MDN1: variants seen among roughly 807,000 people sequenced by gnomAD.
MDN1 encodes midasin AAA ATPase 1, also known as midasin.
In MDN1, 266 loss-of-function variants were observed where a neutral mutation model predicts 669.2. The observed-to-expected ratio is 0.40, with a 90% confidence interval of 0.36 to 0.44. The LOEUF (loss-of-function observed/expected upper bound fraction) is 0.44, where lower values mean the gene tolerates loss of function less well. Ranked by LOEUF, MDN1 falls within the 20% of genes least tolerant of loss-of-function variation. The pLI is 1.00. For missense variants in MDN1, 5,940 were observed against 6,754.0 expected, an observed-to-expected ratio of 0.88 and a Z score of 4.22; for synonymous variants, 2,385 against 2,457.1, an observed-to-expected ratio of 0.97 and a Z score of 0.87.
Position 89,693,735 on chromosome 6 carries a change from G to C in MDN1, c.9881+339C>G, listed in dbSNP as rs1200391634. ...AACACTTCTGGTCCCAGGAATTTTG[G>C]ATAAGGGATCCCCAACCCGTACCAT... is the stretch of plus-strand genomic sequence containing the variant. On this transcript the variant is annotated intron_variant, in intron 62 of 101. Transcript: ENST00000369393. Among the ~76,000 whole-genome samples the C allele has an allele frequency of 2.6e-5, 4 of 152,194 alleles. No individual in the cohort carries two copies. The South Asian group carries it at 6.2e-4, about 24-fold the overall frequency.
At chr6:89,684,527 G>T (rs368450564) in intron 71 of MDN1, among the ~76,000 whole-genome samples, 12 of 152,132 alleles carry the variant, frequency 7.9e-5, no homozygotes, top group African/African-American at 1.2e-4. Context: ...CAAAAAGAGC[G>T]GTCCCTCCTT....
At position 89,661,506 on chromosome 6, in the gene MDN1, C is replaced by T. The variant is rs1472380462; in HGVS notation, c.14638G>A (p.Asp4880Asn). Residue 4880 changes from aspartate (D) to asparagine (N), a missense_variant, in exon 88 of 102, where the codon GAC (aspartate) becomes AAC (asparagine). Asp to Asn is a conservative substitution (Grantham distance 23, BLOSUM62 1). This residue lies in a region of MDN1 where 2,280 missense variants were observed against 2,576.3 expected (regional missense o/e 0.88). Coordinates refer to ENST00000369393, the MANE Select transcript of MDN1 (RefSeq NM_014611.3). ...TCGAGGTTCAAGTCATCTGGAAGGT[C>T]CAAAGCCTCGGGTTCTGGCACCTTT... ...QEKVPEPEAL[D>N]LPDDLNLDSE... 1.9e-6 allele frequency: 3 copies of T among 1,614,074 alleles called. No homozygotes were observed. The highest frequency in any genetic ancestry group is 3.3e-5 in the Admixed American group (2 of 60,002).
intron 1 of MDN1, among the ~76,000 whole-genome samples, chr6:89,809,784 T>TAAATAAATA (rs1554202272): frequency 8.9e-5 from 10 of 112,576 alleles, no homozygotes; most frequent in Non-Finnish European, 3.5e-5. Context: ...TCAAAATAAA[T>TAAATAAATA]AAATAAAATA....
rs1234536190 is a variant in MDN1, at chr6:89,650,803, T to C, written c.15960A>G (p.Thr5320=). Reference sequence around the variant, plus strand: ...CACATAACCGTTGTGAAAGAGGCGCTGTTAAGATCAGGTAACTCTGCCACA... The same window carrying C: ...CACATAACCGTTGTGAAAGAGGCGCCGTTAAGATCAGGTAACTCTGCCACA... ...AEMWQSYLIL[T]APLSQRLCEE... is the part of the protein sequence containing the mutation. Residue 5320 remains threonine (T), a synonymous_variant, in exon 96 of 102, where the codon ACA becomes ACG. Coordinates refer to ENST00000369393, the MANE Select transcript of MDN1 (RefSeq NM_014611.3). The C allele has an allele frequency of 3.0e-5, 49 of 1,614,028 alleles. No homozygotes were observed. Among genetic ancestry groups the C allele is most frequent in the Non-Finnish European group, 4.0e-5 (47 of 1,180,002 alleles).
At chr6:89,770,570 T>C (rs1253766153) in intron 15 of MDN1, among the ~76,000 whole-genome samples, 1 of 152,100 alleles carries the variant, frequency 6.6e-6, no homozygotes, top group Non-Finnish European at 1.5e-5. Flanking sequence ...AGTGGCACAA[T>C]CTCGGCTAAC....
chr6:89,814,106 G>GC (rs1009248839), intron 1 of MDN1, among the ~76,000 whole-genome samples: 3 of 151,704 alleles, frequency 2.0e-5, no homozygotes, highest in African/African-American at 4.8e-5. Flanking sequence ...AAAATTCTAA[G>GC]CCCCCCCAAC....
intron 12 of MDN1, among the ~76,000 whole-genome samples, chr6:89,775,690 G>T (rs559565659): frequency 2.6e-5 from 4 of 152,158 alleles, no homozygotes; most frequent in South Asian, 2.1e-4. Flanking sequence ...TGTTTGTTTG[G>T]TTGGTTTTTA....
At chr6:89,694,932 T>C (rs1464110819) in intron 61 of MDN1, among the ~76,000 whole-genome samples, 1 of 152,110 alleles carries the variant, frequency 6.6e-6, no homozygotes, top group African/African-American at 2.4e-5. Context: ...ATATTCTATC[T>C]AAAGAAATAT....
rs1562187989 is a variant in MDN1, at chr6:89,758,295, C to T, written c.2662G>A (p.Asp888Asn). The T allele has an allele frequency of 6.2e-7, 1 of 1,612,400 alleles. No homozygotes were observed. Among genetic ancestry groups the T allele is most frequent in the Middle Eastern group, 1.6e-4 (1 of 6,062 alleles). ...RLFACMNPAT[D>N]VGKRNLPPGI... The stretch of plus-strand genomic sequence containing the variant: ...GGTGGGAGATTTCTTTTGCCTACAT[C>T]AGTTGCTGGATTCATACAGGCAAAT... The change falls in exon 19 of 102, where the codon GAT (aspartate) becomes AAT (asparagine). Residue 888 changes from aspartate to asparagine, a missense_variant. Asp to Asn is a conservative substitution (Grantham distance 23). Coordinates refer to ENST00000369393, the MANE Select transcript of MDN1 (RefSeq NM_014611.3).
rs766813347 is a variant in MDN1 at position 89,689,995 on chromosome 6, T to C, written c.10898A>G (p.Asn3633Ser). The change falls in exon 65 of 102, where the codon AAC (asparagine) becomes AGC (serine). Residue 3633 changes from asparagine to serine, a missense_variant. Around this residue, in one of 5 missense-constraint regions of MDN1, gnomAD observed 2,280 missense variants for 2,576.3 expected, o/e 0.88. Transcript: ENST00000369393. Reference sequence around the variant, plus strand: ...TTGATACCAGAGGGATCGAGCAAAGTTGAGACACAATTGCTGGTGTATCAG... The same window carrying C: ...TTGATACCAGAGGGATCGAGCAAAGCTGAGACACAATTGCTGGTGTATCAG... ...VMLIHQQLCL[N>S]FARSLWYQQT... 5 of 1,614,194 alleles carry C rather than the reference T, an allele frequency of 3.1e-6. No individual in the cohort carries two copies. The South Asian group carries it at 5.5e-5, about 18-fold the overall frequency.
rs1221542889 is a variant in MDN1, at chr6:89,687,338, A to G, written c.11450+6T>C. 1 of 1,612,756 alleles carries G rather than the reference A, an allele frequency of 6.2e-7. No homozygotes were observed. Among genetic ancestry groups the G allele is most frequent in the Non-Finnish European group, 8.5e-7 (1 of 1,179,120 alleles). The stretch of plus-strand genomic sequence containing the variant: ...AAGTTTAGGAGAGGGAAGGAGAGTC[A>G]CTTACTTCAGCTCCAGTTTACGCCA... On this transcript the variant is annotated splice_donor_region_variant and intron_variant, in intron 68 of 101. Coordinates refer to ENST00000369393, the MANE Select transcript of MDN1 (RefSeq NM_014611.3).
intron 1 of MDN1, among the ~76,000 whole-genome samples, chr6:89,807,454 A>G (rs908720733): frequency 1.2e-4 from 18 of 152,128 alleles, no homozygotes; most frequent in African/African-American, 4.3e-4. Context: ...GTCAGCAGTC[A>G]TTTTTATCTT....
At chr6:89,728,871 AT>A in intron 36 of MDN1, 59 bp downstream of exon 36, 2 of 1,502,634 alleles carry the variant, frequency 1.3e-6, no homozygotes, top group South Asian at 2.3e-5. Context: ...GCAAATATAA[AT>A]TGACACAGAC....
rs139404953 is a variant in MDN1 at position 89,727,594 on chromosome 6, G to T, written c.5472+239C>A. 5.0e-3 allele frequency among the ~76,000 whole-genome samples: 762 copies of T among 152,302 alleles called. 4 individuals are homozygous for T. Among genetic ancestry groups the T allele is most frequent in the African/African-American group, 0.018 (729 of 41,556 alleles). ...ACTAGTGACGATGCAGTTTTCCTCT[G>T]AAGGATAACTTTAAACAGTGGGAGA... On this transcript the variant is annotated intron_variant, in intron 37 of 101. Coordinates refer to ENST00000369393, the MANE Select transcript of MDN1 (RefSeq NM_014611.3).
chr6:89,701,101 T>G (rs1423184325), intron 55 of MDN1, among the ~76,000 whole-genome samples: 1 of 152,184 alleles, frequency 6.6e-6, no homozygotes, highest in Admixed American at 6.5e-5. Flanking sequence ...ACAGGATTCA[T>G]GGGATAGAGC....
chr6:89,661,602 G>A (rs1332978768), intron 87 of MDN1, 24 bp from the exon 88 acceptor site: 1 of 1,580,432 alleles, frequency 6.3e-7, no homozygotes, highest in South Asian at 1.2e-5. Flanking sequence ...GAGACAACAG[G>A]GATAAAATAA....
intron 8 of MDN1, 123 bp downstream of exon 8, chr6:89,787,731 T>C (rs1819042224): frequency 1.1e-5 from 7 of 643,060 alleles, no homozygotes; most frequent in East Asian, 5.5e-5. Context: ...AGACCTGTTA[T>C]CACTTCCAAC....
chr6:89,703,373 G>C (rs552516048), intron 53 of MDN1, among the ~76,000 whole-genome samples: 2 of 147,720 alleles, frequency 1.4e-5, no homozygotes, highest in Non-Finnish European at 3.0e-5. Context: ...TGGGGAAGGG[G>C]GGGGGGTCTA....
intron 37 of MDN1, among the ~76,000 whole-genome samples, chr6:89,726,497 G>GAAAAGA (rs1815250209): frequency 7.2e-6 from 1 of 138,840 alleles, no homozygotes; most frequent in Admixed American, 7.2e-5. Context: ...AAAAAAAAAA[G>GAAAAGA]AAAAGAAAAA....
Sources: allele counts gnomAD v4.1 joint callset (sites outside exome capture counted in the v4.1 genomes callset), GRCh38; gene constraint gnomAD v4.1.1; regional missense constraint gnomAD v4.1.1; transcripts MANE v1.5; gene names NCBI Gene and HGNC (gene_info 2026-07-23, HGNC 2026-07-21).